Variants in PCDHA4 observed in about 807,000 individuals in gnomAD.
PCDHA4 encodes the protein protocadherin alpha-4.
A neutral mutation model predicts 61.4 loss-of-function variants in PCDHA4; 49 were observed. The ratio of observed to expected loss-of-function variants is 0.80; its 90% CI spans 0.63 to 1.01. PCDHA4 has a LOEUF of 1.01. Ranked by LOEUF, PCDHA4 falls within the 50% of genes least tolerant of loss-of-function variation. The pLI is 0.00. For missense variants in PCDHA4, 1,254 were observed against 1,235.8 expected, an observed-to-expected ratio of 1.01 and a Z score of -0.22; for synonymous variants, 590 against 550.3, an observed-to-expected ratio of 1.07 and a Z score of -1.01.
rs1554145030 is a variant in PCDHA4 at position 140,850,906 on chromosome 5, T to C, written c.2385+41334T>C. On this transcript the variant is annotated intron_variant, in intron 1 of 3. Transcript: ENST00000530339. Reference sequence around the variant, plus strand: ...ACTGGGAAGGTGGGTTTTTCTAGCATTTTATTTATTTATATAATTTTTTTT... The same window carrying C: ...ACTGGGAAGGTGGGTTTTTCTAGCACTTTATTTATTTATATAATTTTTTTT... The C allele has an allele frequency of 1.3e-6, 2 of 1,550,722 alleles. 1 individual carries two copies. The highest frequency in any genetic ancestry group is 1.7e-6 in the Non-Finnish European group (2 of 1,145,138).
chr5:140,814,430 T>C (rs1433195135), intron 1 of PCDHA4: 3 of 151,644 alleles, frequency 2.0e-5, no homozygotes, highest in African/African-American at 7.3e-5. Context: ...CCTGAGGCTG[T>C]TTTGTGGTGA....
At chr5:140,975,365 A>G (rs186836387) in intron 1 of PCDHA4, among the ~76,000 whole-genome samples, 5 of 152,370 alleles carry the variant, frequency 3.3e-5, no homozygotes, top group Admixed American at 2.0e-4. Context: ...GCTACATAGC[A>G]TAATGTAATC....
intron 1 of PCDHA4, chr5:140,858,163 G>A (rs756100804): frequency 1.3e-6 from 2 of 1,597,890 alleles, no homozygotes; most frequent in Non-Finnish European, 1.7e-6. Context: ...TCTGCGCGGT[G>A]TCCAGCTTGC....
At chr5:140,994,848 T>C (rs1453646097) in intron 3 of PCDHA4, among the ~76,000 whole-genome samples, 2 of 151,686 alleles carry the variant, frequency 1.3e-5, no homozygotes, top group East Asian at 3.9e-4. Flanking sequence ...ATAAGATGAG[T>C]GCATTTGATG....
chr5:140,871,074 G>T (rs1210767724), intron 1 of PCDHA4: 10 of 1,613,214 alleles, frequency 6.2e-6, no homozygotes, highest in Middle Eastern at 3.3e-4. Context: ...GTGAGCCGGC[G>T]CTGACGGCCA....
chr5:140,892,772 C>G (rs1053940130), intron 1 of PCDHA4, among the ~76,000 whole-genome samples: 1 of 152,144 alleles, frequency 6.6e-6, no homozygotes, highest in African/African-American at 2.4e-5. Context: ...ACTCTTCTAG[C>G]TTCTTGAAAA....
chr5:140,831,783 C>CCTCTATTT, intron 1 of PCDHA4, among the ~76,000 whole-genome samples: 1 of 152,198 alleles, frequency 6.6e-6, no homozygotes, highest in East Asian at 1.9e-4. Context: ...GATTGTTTCA[C>CCTCTATTT]CTCTATTTCA....
intron 1 of PCDHA4, among the ~76,000 whole-genome samples, chr5:140,945,145 T>C (rs1310475283): frequency 2.6e-5 from 4 of 152,128 alleles, no homozygotes; most frequent in African/African-American, 2.4e-5. Flanking sequence ...CAATAGCATT[T>C]CTATACACTA....
intron 3 of PCDHA4, among the ~76,000 whole-genome samples, chr5:140,997,793 T>G (rs2097785892): frequency 6.6e-6 from 1 of 152,112 alleles, no homozygotes; most frequent in Non-Finnish European, 1.5e-5. Context: ...ATATTATAAT[T>G]TATCCAATTT....
chr5:140,836,107 G>T, intron 1 of PCDHA4: 1 of 1,613,744 alleles, frequency 6.2e-7, no homozygotes, highest in Non-Finnish European at 8.5e-7. Context: ...GGCACTGGTG[G>T]CGCAGTGAGA....
intron 1 of PCDHA4, chr5:140,851,030 T>G (rs1462203945): frequency 1.4e-6 from 2 of 1,410,502 alleles, no homozygotes; most frequent in Non-Finnish European, 1.9e-6. Context: ...AGTAAACCCC[T>G]TAACATTGGA....
At chr5:140,901,033 T>C (rs2153472378) in intron 1 of PCDHA4, among the ~76,000 whole-genome samples, 1 of 152,364 alleles carries the variant, frequency 6.6e-6, no homozygotes, top group South Asian at 2.1e-4. Flanking sequence ...TTCAACTCTT[T>C]TGCCCATTTT....
At chr5:140,935,253 A>G (rs1469038997) in intron 1 of PCDHA4, among the ~76,000 whole-genome samples, 1 of 152,226 alleles carries the variant, frequency 6.6e-6, no homozygotes, top group Non-Finnish European at 1.5e-5. Flanking sequence ...GATAAAATAC[A>G]TCACATGTTT....
chr5:140,917,333 G>A (rs1301739777), intron 1 of PCDHA4, among the ~76,000 whole-genome samples: 2 of 148,632 alleles, frequency 1.3e-5, no homozygotes, highest in African/African-American at 4.9e-5. Flanking sequence ...GCGGGGGAGG[G>A]GGGGGATGGT....
chr5:140,828,025 G>A (rs1554130972), intron 1 of PCDHA4: 1 of 1,517,138 alleles, frequency 6.6e-7, no homozygotes, highest in African/African-American at 1.4e-5. Context: ...AATAAATTCC[G>A]GAACATACAG....
At chr5:140,911,589 C>A (rs1583792136) in intron 1 of PCDHA4, among the ~76,000 whole-genome samples, 1 of 152,302 alleles carries the variant, frequency 6.6e-6, no homozygotes, top group Middle Eastern at 3.4e-3. Flanking sequence ...TTAGGAGGAA[C>A]CAACCAACTT....
chr5:141,005,489 G>A (rs1336877426), intron 3 of PCDHA4, among the ~76,000 whole-genome samples: 3 of 151,788 alleles, frequency 2.0e-5, no homozygotes, highest in Non-Finnish European at 4.4e-5. Context: ...GGATCATGAG[G>A]TCAGGAGATC....
chr5:140,968,996 G>A, intron 1 of PCDHA4: 1 of 1,614,202 alleles, frequency 6.2e-7, no homozygotes, highest in Non-Finnish European at 8.5e-7. Flanking sequence ...ATGCTGTGGA[G>A]GCTTCTGTGG....
chr5:141,010,697 C>T lies in PCDHA4; in HGVS notation c.*760C>T, dbSNP rs1163164861. The T allele has an allele frequency of 6.3e-6, 1 of 158,698 alleles. No homozygotes were observed. 9.8% of individuals were successfully genotyped at this position (158,698 alleles called of 1,614,324 possible). A position where few individuals can be genotyped will look rare whatever the true frequency, so the allele number is the denominator to read the frequency against. On this transcript the variant is annotated 3_prime_UTR_variant, in exon 4 of 4. Coordinates refer to ENST00000530339, the MANE Select transcript of PCDHA4 (RefSeq NM_018907.4). ...AACAGAAGCAGATCTGATGTGTTTCCTATACATGTCCTGTGCTCACTTTAT... is the reference window on the plus strand; with the variant it reads ...AACAGAAGCAGATCTGATGTGTTTCTTATACATGTCCTGTGCTCACTTTAT...
Sources: gnomAD v4.1 joint callset for allele counts (sites outside exome capture counted in the v4.1 genomes callset) on GRCh38, gnomAD v4.1.1 for gene constraint, MANE v1.5 for transcripts, NCBI Gene and HGNC (gene_info 2026-07-23, HGNC 2026-07-21) for gene names.